The following NAPG variants were observed in gnomAD, a reference collection of about 807,000 sequenced individuals.
NAPG encodes NSF attachment protein gamma, also known as gamma-soluble NSF attachment protein.
Under a neutral mutation model 48.4 loss-of-function variants are expected in NAPG, and 25 were observed. The observed-to-expected ratio is 0.52, with a 90% CI of 0.38 to 0.72. NAPG has a LOEUF of 0.72. Ranked by LOEUF, NAPG falls within the 30% of genes least tolerant of loss-of-function variation. The pLI is 0.00. For missense variants in NAPG, 359 were observed against 372.5 expected, an observed-to-expected ratio of 0.96 and a Z score of 0.30; for synonymous variants, 139 against 127.2, an observed-to-expected ratio of 1.09 and a Z score of -0.62.
At position 10,551,635 on chromosome 18, in the gene NAPG, T is replaced by C. The variant is rs2143163176; in HGVS notation, c.*1415T>C. ...AATTCCTGCTCATCCATGCCCTGTC[T>C]CTGTCTCTTTTAGAGTCATACCTTA... On this transcript the variant is annotated 3_prime_UTR_variant, in exon 12 of 12. Coordinates refer to ENST00000322897, the MANE Select transcript of NAPG (RefSeq NM_003826.3). The C allele has an allele frequency of 6.6e-6, 1 of 152,332 alleles. No individual in the cohort carries two copies. The highest frequency in any genetic ancestry group is 6.5e-5 in the Admixed American group (1 of 15,296). The allele number at this position is 152,332 out of a possible 1,614,324, so 9.4% of individuals were successfully genotyped here. A position where few individuals can be genotyped will look rare whatever the true frequency, so the allele number is the denominator to read the frequency against.
chr18:10,539,568 G>C lies in NAPG; in HGVS notation c.259-194G>C. On this transcript the variant is annotated intron_variant, in intron 5 of 11. Coordinates refer to ENST00000322897, the MANE Select transcript of NAPG (RefSeq NM_003826.3). This position sits in a 1 kb window ranked among gnomAD's most constrained non-coding sequence, Gnocchi z 4.7. ...AGGACAAATACCTAATGCATGCGGG[G>C]CTTAAAACCTAGATGATGGGTTGAT... 5.4e-6 allele frequency: 3 copies of C among 556,424 alleles called. No homozygotes were observed. Among genetic ancestry groups the C allele is most frequent in the Non-Finnish European group, 6.4e-6 (2 of 311,680 alleles). 34.5% of individuals were successfully genotyped at this position (556,424 alleles called of 1,614,324 possible).
rs753699901 is a variant in NAPG, at chr18:10,546,409, T to C, written c.585+5T>C. 3.4e-6 allele frequency: 5 copies of C among 1,490,800 alleles called. No homozygotes were observed. Among genetic ancestry groups the C allele is most frequent in the Non-Finnish European group, 4.6e-6 (5 of 1,094,502 alleles). The allele number at this position is 1,490,800 out of a possible 1,614,324, so 92.3% of individuals were successfully genotyped here. A position where few individuals can be genotyped will look rare whatever the true frequency, so the allele number is the denominator to read the frequency against. On this transcript the variant is annotated splice_donor_5th_base_variant and intron_variant, in intron 9 of 11. Transcript: ENST00000322897. The surrounding 1 kb of genome is among the most constrained non-coding windows in gnomAD (Gnocchi z 4.0). ...AATTATCCAACTTGTTATAAGGTAT[T>C]CTTTGAAAGTGTTTGTTTTTGGTAT... is the stretch of plus-strand genomic sequence containing the variant.
chr18:10,530,761 T>G lies in NAPG; in HGVS notation c.57-9T>G, dbSNP rs1428293580. The G allele has an allele frequency of 5.2e-6, 8 of 1,546,880 alleles. No individual in the cohort carries two copies. Among genetic ancestry groups the G allele is most frequent in the Middle Eastern group, 1.7e-4 (1 of 5,816 alleles). ...GTAACTCCTGTTAACTGTGTTTTTT[T>G]CATTCTAGCCTGAAAACTGGTTTTT... is the stretch of plus-strand genomic sequence containing the variant. On this transcript the variant is annotated splice_polypyrimidine_tract_variant and intron_variant, in intron 1 of 11. Transcript: ENST00000322897.
At chr18:10,530,188 C>CTTT (rs58597079) in intron 1 of NAPG, among the ~76,000 whole-genome samples, 5 of 67,332 alleles carry the variant, frequency 7.4e-5, no homozygotes, top group African/African-American at 2.2e-4. Flanking sequence ...CGAGTTTTCA[C>CTTT]TTTTTTTTTT....
In NAPG at chr18:10,539,487, G is replaced by T. The variant is rs2032102158; in HGVS notation, c.259-275G>T. 3 of 324,782 alleles carry T rather than the reference G, an allele frequency of 9.2e-6. No homozygotes were observed. Among genetic ancestry groups the T allele is most frequent in the Non-Finnish European group, 1.7e-5 (3 of 172,324 alleles). 20.1% of individuals were successfully genotyped at this position (324,782 alleles called of 1,614,324 possible). On this transcript the variant is annotated intron_variant, in intron 5 of 11. Coordinates refer to ENST00000322897, the MANE Select transcript of NAPG (RefSeq NM_003826.3). The surrounding 1 kb of genome is among the most constrained non-coding windows in gnomAD (Gnocchi z 4.7). ...CAAGGACACATGGACACAGGGAGGG[G>T]AACATCACACTCCTGGGCCTGTCGG...
At position 10,539,713 on chromosome 18, in the gene NAPG, C is replaced by T. The variant is rs1324238035; in HGVS notation, c.259-49C>T. The T allele has an allele frequency of 1.4e-6, 2 of 1,381,556 alleles. No homozygotes were observed. The highest frequency in any genetic ancestry group is 1.8e-5 in the Admixed American group (1 of 54,512). 85.6% of individuals were successfully genotyped at this position (1,381,556 alleles called of 1,614,324 possible). On this transcript the variant is annotated intron_variant, in intron 5 of 11. Transcript: ENST00000322897. This position sits in a 1 kb window ranked among gnomAD's most constrained non-coding sequence, Gnocchi z 4.7. Reference sequence around the variant, plus strand: ...ATTTCAGATTGTTAACTCTGTTTTTCTTTAATTGATGCATTTGCTGACCTG... The same window carrying T: ...ATTTCAGATTGTTAACTCTGTTTTTTTTTAATTGATGCATTTGCTGACCTG...
chr18:10,531,242 CAT>C (rs1405706307), intron 2 of NAPG, among the ~76,000 whole-genome samples: 1 of 152,144 alleles, frequency 6.6e-6, no homozygotes, highest in Non-Finnish European at 1.5e-5. Context: ...ATACGCAAAT[CAT>C]ATGTTTGCTT....
chr18:10,535,592 C>T lies in NAPG; in HGVS notation c.258+1096C>T, dbSNP rs1370725933. 3.3e-5 allele frequency among the ~76,000 whole-genome samples: 5 copies of T among 152,186 alleles called. No individual in the cohort carries two copies. The East Asian group carries it at 9.6e-4, about 29-fold the overall frequency. On this transcript the variant is annotated intron_variant, in intron 5 of 11. Coordinates refer to ENST00000322897, the MANE Select transcript of NAPG (RefSeq NM_003826.3). ...CCTGGCCAACATGGTGAAACCCTGT[C>T]TCTTCTAAAAATACAAAAATTAGCT...
At chr18:10,536,222 G>A (rs951008977) in intron 5 of NAPG, among the ~76,000 whole-genome samples, 5 of 152,190 alleles carry the variant, frequency 3.3e-5, no homozygotes, top group African/African-American at 9.7e-5. Flanking sequence ...TAACTTAGTG[G>A]ATAGGGAAAC....
Position 10,548,651 on chromosome 18 carries a change from AAG to A in NAPG, c.665+274_665+275del, listed in dbSNP as rs1438695988. 6.6e-6 allele frequency among the ~76,000 whole-genome samples: 1 copy of A among 152,120 alleles called. No homozygotes were observed. The highest frequency in any genetic ancestry group is 2.4e-5 in the African/African-American group (1 of 41,410). On this transcript the variant is annotated intron_variant, in intron 10 of 11. Transcript: ENST00000322897. This position sits in a 1 kb window ranked among gnomAD's most constrained non-coding sequence, Gnocchi z 4.4. ...CTTCTAAGAAAAAAAGAACAAGAAAAAGGGGGAAAAAATTATCAGATTTATGT... is the reference window on the plus strand; with the variant it reads ...CTTCTAAGAAAAAAAGAACAAGAAAAGGGGAAAAAATTATCAGATTTATGT...
In NAPG at chr18:10,551,083, T is replaced by C. The variant is rs1011104743; in HGVS notation, c.*863T>C. 6.6e-6 allele frequency: 1 copy of C among 152,020 alleles called. No homozygotes were observed. Among genetic ancestry groups the C allele is most frequent in the African/African-American group, 2.4e-5 (1 of 41,430 alleles). The allele number at this position is 152,020 out of a possible 1,614,324, so 9.4% of individuals were successfully genotyped here. On this transcript the variant is annotated 3_prime_UTR_variant, in exon 12 of 12. Transcript: ENST00000322897. ...ATCACGGCTCCCAGGCTAATGTTTT[T>C]ATTTTTAATTTGTAATTTTTTTTTT...
chr18:10,539,879 T>G lies in NAPG; in HGVS notation c.368+8T>G, dbSNP rs2032113566. ...TTTGGAGCGAGCTGGAAAGTGAGTG[T>G]GAGATGGACAAGTCTCTGCATAGAA... On this transcript the variant is annotated splice_region_variant and intron_variant, in intron 6 of 11. Coordinates refer to ENST00000322897, the MANE Select transcript of NAPG (RefSeq NM_003826.3). The surrounding 1 kb of genome is among the most constrained non-coding windows in gnomAD (Gnocchi z 4.7). 3 of 1,613,300 alleles carry G rather than the reference T, an allele frequency of 1.9e-6. No homozygotes were observed. Among genetic ancestry groups the G allele is most frequent in the South Asian group, 1.1e-5 (1 of 91,064 alleles).
At chr18:10,536,716 A>G (rs975546147) in intron 5 of NAPG, among the ~76,000 whole-genome samples, 2 of 152,112 alleles carry the variant, frequency 1.3e-5, no homozygotes, top group African/African-American at 2.4e-5. Flanking sequence ...ACTGCCTTCT[A>G]ATGTATTTTT....
chr18:10,547,897 T>C (rs2032301748), intron 9 of NAPG, among the ~76,000 whole-genome samples: 1 of 151,426 alleles, frequency 6.6e-6, no homozygotes, highest in East Asian at 2.0e-4. Context: ...TAAGTATCAT[T>C]GTGGTGTTAC....
chr18:10,544,036 A>G lies in NAPG; in HGVS notation c.507-2290A>G, dbSNP rs1233281385. 6.6e-6 allele frequency among the ~76,000 whole-genome samples: 1 copy of G among 152,244 alleles called. No homozygotes were observed. Among genetic ancestry groups the G allele is most frequent in the African/African-American group, 2.4e-5 (1 of 41,454 alleles). ...GCACCCTTTATAGTTAAATATATGA[A>G]AAGTTTAAAATACTGAGATTGCTAA... is the stretch of plus-strand genomic sequence containing the variant. On this transcript the variant is annotated intron_variant, in intron 8 of 11. Transcript: ENST00000322897. This position sits in a 1 kb window ranked among gnomAD's most constrained non-coding sequence, Gnocchi z 5.1.
chr18:10,527,668 G>A (rs1184177666), intron 1 of NAPG, among the ~76,000 whole-genome samples: 1 of 152,156 alleles, frequency 6.6e-6, no homozygotes, highest in Non-Finnish European at 1.5e-5. Flanking sequence ...TGTTTTAGAC[G>A]GAGGGAAAAT....
intron 8 of NAPG, among the ~76,000 whole-genome samples, chr18:10,541,233 A>G (rs1359689069): frequency 6.6e-6 from 1 of 152,258 alleles, no homozygotes; most frequent in East Asian, 1.9e-4. Context: ...TCTCATTTAG[A>G]TTAATTTGTT....
Position 10,533,135 on chromosome 18 carries a change from A to G in NAPG, c.209+340A>G, listed in dbSNP as rs369049525. 2.7e-5 allele frequency: 7 copies of G among 259,862 alleles called. No homozygotes were observed. The South Asian group carries it at 3.5e-4, about 13-fold the overall frequency. 16.1% of individuals were successfully genotyped at this position (259,862 alleles called of 1,614,324 possible). A position where few individuals can be genotyped will look rare whatever the true frequency, so the allele number is the denominator to read the frequency against. ...TGAAAACACGTGAACTACTGTATCA[A>G]TTTTTTTAAATACAGTTTTCCTTAG... On this transcript the variant is annotated intron_variant, in intron 3 of 11. Coordinates refer to ENST00000322897, the MANE Select transcript of NAPG (RefSeq NM_003826.3).
chr18:10,547,461 T>G lies in NAPG; in HGVS notation c.586-838T>G, dbSNP rs1222703857. Among the ~76,000 whole-genome samples, 3 of 152,190 alleles carry G rather than the reference T, an allele frequency of 2.0e-5. No homozygotes were observed. In the East Asian group the frequency reaches 5.8e-4, roughly 29 times the overall value. ...GACCAGGGTTGTTGGCATTATCACA[T>G]AAAGACTGAAGCAACTATAAGTTGC... On this transcript the variant is annotated intron_variant, in intron 9 of 11. Coordinates refer to ENST00000322897, the MANE Select transcript of NAPG (RefSeq NM_003826.3).
Sources: allele counts gnomAD v4.1 joint callset (sites outside exome capture counted in the v4.1 genomes callset), GRCh38; gene constraint gnomAD v4.1.1; non-coding constraint Gnocchi (gnomAD v3.1); transcripts MANE v1.5; gene names NCBI Gene and HGNC (gene_info 2026-07-23, HGNC 2026-07-21).